The following TENM2 variants were observed in gnomAD, a reference collection of about 807,000 sequenced individuals.
The protein encoded by TENM2 is teneurin transmembrane protein 2, also known as teneurin-2.
Under a neutral mutation model 245.2 loss-of-function variants are expected in TENM2, and 52 were observed. The observed-to-expected ratio is 0.21, with a 90% CI of 0.17 to 0.27. The LOEUF (loss-of-function observed/expected upper bound fraction) is 0.27. Ranked by LOEUF, TENM2 falls within the 10% of genes least tolerant of loss-of-function variation. The pLI is 1.00. For synonymous variants in TENM2, 1,363 were observed against 1,438.9 expected (o/e 0.95, Z 1.19); for missense variants, 3,046 against 3,666.8 (o/e 0.83, Z 4.37).
chr5:168,117,027 T>G (rs1312429481), intron 9 of TENM2, among the ~76,000 whole-genome samples: 1 of 152,148 alleles, frequency 6.6e-6, no homozygotes, highest in Non-Finnish European at 1.5e-5. Context: ...GTTAGGCTCT[T>G]TACAAACTGA....
At chr5:167,310,422 C>G (rs995448255) in intron 1 of TENM2, among the ~76,000 whole-genome samples, 1 of 152,038 alleles carries the variant, frequency 6.6e-6, no homozygotes, top group Non-Finnish European at 1.5e-5. Flanking sequence ...TTAGAGTACA[C>G]AGTGCTAGTG....
intron 2 of TENM2, among the ~76,000 whole-genome samples, chr5:167,648,980 A>G (rs544416937): frequency 6.6e-6 from 1 of 152,316 alleles, no homozygotes; most frequent in South Asian, 2.1e-4. Flanking sequence ...ATCCTGATGC[A>G]GCAGACTTCT....
chr5:167,892,209 T>G (rs888027633), intron 3 of TENM2, among the ~76,000 whole-genome samples: 6 of 152,182 alleles, frequency 3.9e-5, no homozygotes, highest in African/African-American at 1.4e-4. Flanking sequence ...CCAGGAAAAT[T>G]AAACTTGAAA....
intron 3 of TENM2, among the ~76,000 whole-genome samples, chr5:167,939,676 T>A (rs1779016629): frequency 6.6e-6 from 1 of 152,192 alleles, no homozygotes; most frequent in South Asian, 2.1e-4. Context: ...TTGGATTTCA[T>A]CTGATCCAAT....
chr5:167,963,373 T>C (rs1781156423), intron 4 of TENM2, among the ~76,000 whole-genome samples: 1 of 152,188 alleles, frequency 6.6e-6, no homozygotes, highest in South Asian at 2.1e-4. Flanking sequence ...TGAGAGAGTA[T>C]AGATATGGGA....
chr5:167,216,227 C>T, the TENM2 span, among the ~76,000 whole-genome samples: 2 of 152,228 alleles, frequency 1.3e-5, no homozygotes, highest in Non-Finnish European at 2.9e-5. Context: ...GCCAGCCTTG[C>T]TTCCACCTAC....
At chr5:167,235,935 T>C in the TENM2 span, among the ~76,000 whole-genome samples, 3 of 152,174 alleles carry the variant, frequency 2.0e-5, no homozygotes, top group Non-Finnish European at 4.4e-5. Flanking sequence ...CTTAGGGAAT[T>C]GAGTTTGCTT....
At chr5:168,021,876 A>G (rs1409329675) in intron 5 of TENM2, among the ~76,000 whole-genome samples, 1 of 150,600 alleles carries the variant, frequency 6.6e-6, no homozygotes, top group African/African-American at 2.5e-5. Flanking sequence ...AATTTCAAAA[A>G]AGAAAGGGAA....
chr5:167,280,442 GGGGCT>G (rs1189243122), upstream of TENM2, among the ~76,000 whole-genome samples: 2 of 152,270 alleles, frequency 1.3e-5, no homozygotes, highest in Admixed American at 6.5e-5. Context: ...TTTCCTGGAA[GGGGCT>G]GAAAGTCCTG....
the TENM2 span, among the ~76,000 whole-genome samples, chr5:167,045,845 T>C: frequency 1.3e-5 from 2 of 152,176 alleles, no homozygotes; most frequent in Non-Finnish European, 1.5e-5. Flanking sequence ...GCTCTGAACA[T>C]AGGGAGTCCA....
intron 9 of TENM2, among the ~76,000 whole-genome samples, chr5:168,103,674 A>G (rs1794003462): frequency 1.3e-5 from 2 of 152,176 alleles, no homozygotes; most frequent in Admixed American, 1.3e-4. Context: ...TTTTAATCAG[A>G]AAAAAAGTAA....
chr5:167,212,348 G>A, the TENM2 span, among the ~76,000 whole-genome samples: 1 of 152,128 alleles, frequency 6.6e-6, no homozygotes, highest in African/African-American at 2.4e-5. Flanking sequence ...TAGTAGTCAA[G>A]GTTTTCATTG....
rs145060473 is a variant in TENM2, at chr5:168,134,275, C to T, written c.2422+7309C>T. On this transcript the variant is annotated intron_variant, in intron 12 of 28. Coordinates refer to ENST00000518659, the Ensembl canonical transcript of TENM2. ...TCTTTGTCTGTAAAATGGGGGATAC[C>T]AAATAGCACCTATCTCACTGGGACA... Among the ~76,000 whole-genome samples, 628 of 152,222 alleles carry T rather than the reference C, an allele frequency of 4.1e-3. 2 individuals are homozygous for T. Among genetic ancestry groups the T allele is most frequent in the African/African-American group, 0.014 (597 of 41,530 alleles).
intron 5 of TENM2, among the ~76,000 whole-genome samples, chr5:168,008,294 C>T (rs1231959744): frequency 6.6e-6 from 1 of 152,080 alleles, no homozygotes; most frequent in Non-Finnish European, 1.5e-5. Context: ...AGGAGAGGGA[C>T]GCCTGCTAAG....
At chr5:167,136,208 T>C in the TENM2 span, among the ~76,000 whole-genome samples, 1 of 152,194 alleles carries the variant, frequency 6.6e-6, no homozygotes, top group Non-Finnish European at 1.5e-5. Context: ...GATTATTATT[T>C]TTTGTCTTGT....
chr5:167,835,210 G>T (rs1768881580), intron 2 of TENM2, among the ~76,000 whole-genome samples: 3 of 152,150 alleles, frequency 2.0e-5, no homozygotes. Context: ...CTTAGAGAAG[G>T]TTCTAGAAAT....
chr5:167,424,273 C>A (rs1165384793), intron 2 of TENM2, among the ~76,000 whole-genome samples: 1 of 152,024 alleles, frequency 6.6e-6, no homozygotes, highest in East Asian at 1.9e-4. Context: ...CTGCAGCAGC[C>A]CCAGAGTACT....
At chr5:167,864,569 T>C (rs1218142153) in intron 2 of TENM2, among the ~76,000 whole-genome samples, 1 of 152,214 alleles carries the variant, frequency 6.6e-6, no homozygotes, top group Non-Finnish European at 1.5e-5. Flanking sequence ...GCAGAATCAA[T>C]ATTTGACATT....
intron 2 of TENM2, among the ~76,000 whole-genome samples, chr5:167,376,699 T>G (rs933382676): frequency 6.6e-6 from 1 of 152,168 alleles, no homozygotes; most frequent in African/African-American, 2.4e-5. Context: ...CAAGGTGTAC[T>G]CTCAAGGAAA....
Sources: gnomAD v4.1 joint callset for allele counts (sites outside exome capture counted in the v4.1 genomes callset) on GRCh38, gnomAD v4.1.1 for gene constraint, MANE v1.5 for transcripts, NCBI Gene and HGNC (gene_info 2026-07-23, HGNC 2026-07-21) for gene names.